Variants in DTNB observed in about 807,000 individuals in gnomAD.
DTNB encodes the protein DTN-B.
A neutral mutation model predicts 90.7 loss-of-function variants in DTNB; 63 were observed. The ratio of observed to expected loss-of-function variants is 0.69; its 90% CI spans 0.57 to 0.86. The LOEUF (loss-of-function observed/expected upper bound fraction) is 0.86, where lower values mean the gene tolerates loss of function less well. Among genes scored for constraint, DTNB ranks in the 40% least tolerant of loss-of-function variants. The pLI is 0.00. For missense variants in DTNB, 744 were observed against 807.1 expected (o/e 0.92, Z 0.95); for synonymous variants, 277 against 286.7 (o/e 0.97, Z 0.34).
At chr2:25,642,230 TAGG>T (rs749798454) in intron 2 of DTNB, among the ~76,000 whole-genome samples, 10 of 152,152 alleles carry the variant, frequency 6.6e-5, no homozygotes, top group Non-Finnish European at 1.2e-4. Flanking sequence ...TGTGTGTTGA[TAGG>T]AGAAGGCAGG....
intron 10 of DTNB, among the ~76,000 whole-genome samples, chr2:25,478,347 G>A (rs905010723): frequency 1.6e-4 from 25 of 152,294 alleles, no homozygotes; most frequent in African/African-American, 4.8e-4. Context: ...GTGCGAGAGC[G>A]TCGGCAGTTG....
At chr2:25,396,582 G>A (rs34322039) in intron 16 of DTNB, among the ~76,000 whole-genome samples, 1 of 151,502 alleles carries the variant, frequency 6.6e-6, no homozygotes, top group South Asian at 2.1e-4. Context: ...GGGGGTGAGG[G>A]ATAAAAGACT....
rs138787618 is a variant in DTNB at position 25,466,206 on chromosome 2, C to T, written c.1080-10712G>A. Reference sequence around the variant, plus strand: ...CAAAAATTAGCTGGGCGTAGTGGTGCGTGCCTGTAATCCCAGCTACTTGGG... The same window carrying T: ...CAAAAATTAGCTGGGCGTAGTGGTGTGTGCCTGTAATCCCAGCTACTTGGG... On this transcript the variant is annotated intron_variant, in intron 10 of 20. Transcript: ENST00000406818. 1.1e-4 allele frequency among the ~76,000 whole-genome samples: 16 copies of T among 152,180 alleles called. No individual in the cohort carries two copies. The East Asian group carries it at 2.3e-3, about 22-fold the overall frequency.
intron 1 of DTNB, chr2:25,652,939 A>G: frequency 3.5e-6 from 1 of 283,060 alleles, no homozygotes; most frequent in East Asian, 6.7e-5. Flanking sequence ...AACTTTGATT[A>G]TTTTCTCTGC....
intron 2 of DTNB, among the ~76,000 whole-genome samples, chr2:25,642,578 T>G (rs958109782): frequency 4.6e-5 from 7 of 151,262 alleles, no homozygotes; most frequent in Admixed American, 3.9e-4. Context: ...ACCCAGCTAA[T>G]TTTTTGTATT....
At chr2:25,632,191 T>TTAA (rs2075900165) in intron 3 of DTNB, among the ~76,000 whole-genome samples, 1 of 30,696 alleles carries the variant, frequency 3.3e-5, no homozygotes, top group Non-Finnish European at 7.6e-5. Context: ...TGACTCTGTC[T>TTAA]CAAAAAAAAA....
chr2:25,425,683 T>C (rs1179506943), intron 15 of DTNB, among the ~76,000 whole-genome samples: 1 of 152,224 alleles, frequency 6.6e-6, no homozygotes, highest in East Asian at 1.9e-4. Context: ...CTCCACACTT[T>C]GTGATTTTCT....
chr2:25,560,680 A>C (rs146556362), intron 8 of DTNB, among the ~76,000 whole-genome samples: 1 of 152,178 alleles, frequency 6.6e-6, no homozygotes, highest in Non-Finnish European at 1.5e-5. Context: ...GTCATCCTCC[A>C]TAACTGCATA....
intron 9 of DTNB, among the ~76,000 whole-genome samples, chr2:25,509,540 T>C (rs1409181239): frequency 6.6e-6 from 1 of 152,156 alleles, no homozygotes; most frequent in Admixed American, 6.5e-5. Flanking sequence ...GGTATACAAT[T>C]TTAGGATTAT....
chr2:25,575,931 T>TA (rs1430108581), intron 8 of DTNB, among the ~76,000 whole-genome samples: 28 of 152,316 alleles, frequency 1.8e-4, no homozygotes, highest in Admixed American at 1.2e-3. Context: ...ATAACCATGT[T>TA]ACATAATTTA....
chr2:25,455,488 CT>C lies in DTNB; in HGVS notation c.1085del (p.Gln362ArgfsTer16). Reference protein sequence around the residue: ...SGVPTPTKRLQYSQDIPSHLA... With the variant: ...SGVPTPTKRLXYSQDIPSHLA... ...AGTGACTGGGTATATCCTGGCTATA[CT>C]GTAACCTAGGAACAATGGAGGCAAA... On this transcript the variant is annotated frameshift_variant, in exon 11 of 21. Coordinates refer to ENST00000406818, the MANE Select transcript of DTNB (RefSeq NM_021907.5). LOFTEE classifies it high-confidence loss of function. 1 of 1,604,648 alleles carries C rather than the reference CT, an allele frequency of 6.2e-7. No individual in the cohort carries two copies. The highest frequency in any genetic ancestry group is 8.5e-7 in the Non-Finnish European group (1 of 1,175,698).
chr2:25,523,121 C>T (rs1025905644), intron 9 of DTNB, among the ~76,000 whole-genome samples: 3 of 152,072 alleles, frequency 2.0e-5, no homozygotes, highest in African/African-American at 7.2e-5. Flanking sequence ...CAGCATTAAC[C>T]TTCAATTAAA....
rs1341424054 is a variant in DTNB, at chr2:25,410,020, C to G, written c.1575+9495G>C. 4.6e-5 allele frequency among the ~76,000 whole-genome samples: 7 copies of G among 152,162 alleles called. No individual in the cohort carries two copies. The East Asian group carries it at 1.3e-3, about 29-fold the overall frequency. ...TTTTCACTTGTTCAGTAAATGACAC[C>G]CATCATTTCCCTAGATTCTTAGGCT... On this transcript the variant is annotated intron_variant, in intron 16 of 20. Transcript: ENST00000406818.
intron 3 of DTNB, among the ~76,000 whole-genome samples, chr2:25,635,077 AAG>A (rs2076849298): frequency 6.8e-6 from 1 of 147,872 alleles, no homozygotes; most frequent in Non-Finnish European, 1.5e-5. Flanking sequence ...AAAATAAAAA[AAG>A]AAAAAAAAAA....
chr2:25,485,325 A>G (rs1293993298), intron 9 of DTNB, among the ~76,000 whole-genome samples: 1 of 152,174 alleles, frequency 6.6e-6, no homozygotes, highest in Non-Finnish European at 1.5e-5. Context: ...ATATTTCAAT[A>G]TTAAAGATAT....
rs558188990 is a variant in DTNB at position 25,424,436 on chromosome 2, T to TA, written c.1554+3098_1554+3099insT. ...CACTAGAAGGCCACAGTGGCATGCA[T>TA]GGGGCTTGGGGTCAGTAGTTCTGGG... On this transcript the variant is annotated intron_variant, in intron 15 of 20. Transcript: ENST00000406818. The surrounding 1 kb of genome is among the most constrained non-coding windows in gnomAD (Gnocchi z 4.1). 6.0e-3 allele frequency among the ~76,000 whole-genome samples: 921 copies of TA among 152,260 alleles called. 1 individual carries two copies. Among genetic ancestry groups the TA allele is most frequent in the Non-Finnish European group, 9.7e-3 (657 of 68,016 alleles).
At chr2:25,385,825 T>C (rs1309337587) in intron 18 of DTNB, among the ~76,000 whole-genome samples, 1 of 152,220 alleles carries the variant, frequency 6.6e-6, no homozygotes, top group African/African-American at 2.4e-5. Flanking sequence ...TCTATGTGCT[T>C]TCCACTTAAT....
chr2:25,484,284 A>T (rs904359772), intron 9 of DTNB, among the ~76,000 whole-genome samples: 2 of 152,256 alleles, frequency 1.3e-5, no homozygotes, highest in African/African-American at 4.8e-5. Flanking sequence ...CATAAAACTG[A>T]AGCTGAAAGT....
intron 9 of DTNB, among the ~76,000 whole-genome samples, chr2:25,530,658 A>C (rs1396585615): frequency 4.6e-5 from 7 of 152,200 alleles, no homozygotes; most frequent in African/African-American, 1.7e-4. Context: ...TATCTAAATA[A>C]TTGAAAGAAA....
Sources: gnomAD v4.1 joint callset for allele counts (sites outside exome capture counted in the v4.1 genomes callset) on GRCh38, gnomAD v4.1.1 for gene constraint, Gnocchi (gnomAD v3.1) non-coding constraint, MANE v1.5 for transcripts, NCBI Gene and HGNC (gene_info 2026-07-23, HGNC 2026-07-21) for gene names.